Variants in SCYL1 observed in about 807,000 individuals in gnomAD.
The protein encoded by SCYL1 is N-terminal kinase-like protein.
SCYL1 carries 85 observed loss-of-function variants against 94.8 expected under a neutral mutation model. That is an observed-to-expected ratio of 0.90 (90% CI 0.75 to 1.07). The LOEUF is 1.07. Among genes scored for constraint, SCYL1 ranks in the 50% least tolerant of loss-of-function variants. The probability of loss-of-function intolerance (pLI) is 0.00; values close to 1 mark genes in which losing one functional copy is unlikely to be tolerated. For missense variants in SCYL1, 968 were observed against 1,083.3 expected, an observed-to-expected ratio of 0.89 and a Z score of 1.49; for synonymous variants, 459 against 435.5, an observed-to-expected ratio of 1.05 and a Z score of -0.67.
In SCYL1 at chr11:65,535,227, T is replaced by A. The variant is rs1445427151; in HGVS notation, c.1231T>A (p.Ser411Thr). 1 of 1,613,760 alleles carries A rather than the reference T, an allele frequency of 6.2e-7. No individual in the cohort carries two copies. Among genetic ancestry groups the A allele is most frequent in the Non-Finnish European group, 8.5e-7 (1 of 1,179,806 alleles). The change falls in exon 10 of 18, where the codon TCC becomes ACC. Residue 411 changes from serine (S) to threonine (T), a missense_variant and splice_region_variant. Physicochemically the swap from Ser to Thr is moderately conservative, Grantham distance 58. Transcript: ENST00000270176. ...GTTCCCACTCATTTCTGCCCCACAG[T>A]CCATGCTGCTCCTGGCCCCAAAGCT... ...NPAIREQTVK[S>T]MLLLAPKLNE...
rs570043048 is a variant in SCYL1, at chr11:65,535,283, G to A, written c.1287G>A (p.Met429Ile). Residue 429 changes from methionine to isoleucine, a missense_variant, in exon 10 of 18, where the codon ATG becomes ATA. Met to Ile is a conservative substitution (Grantham distance 10). Around this residue, in one of 2 missense-constraint regions of SCYL1, gnomAD observed 494 missense variants for 619.7 expected, o/e 0.80. Transcript: ENST00000270176. ...AGGCCAACCTCAATGTGGAGCTGAT[G>A]AAGCACTTTGCACGGCTACAGGCCA... The part of the protein sequence containing the change: ...LNEANLNVEL[M>I]KHFARLQAKD... The A allele has an allele frequency of 2.5e-6, 4 of 1,614,240 alleles. No homozygotes were observed. The highest frequency in any genetic ancestry group is 2.2e-5 in the East Asian group (1 of 44,888).
intron 12 of SCYL1, 95 bp downstream of exon 12, chr11:65,536,429 T>C: frequency 6.9e-7 from 1 of 1,449,818 alleles, no homozygotes; most frequent in Middle Eastern, 1.7e-4. Flanking sequence ...TGAAAGGTCC[T>C]AGTGAGCAGA....
chr11:65,528,805 G>A (rs1251578271), intron 6 of SCYL1, among the ~76,000 whole-genome samples: 2 of 152,192 alleles, frequency 1.3e-5, no homozygotes, highest in African/African-American at 4.8e-5. Context: ...GGAAAGTACT[G>A]GAGTGGGTAT....
At chr11:65,530,042 C>T (rs1042635672) in intron 6 of SCYL1, among the ~76,000 whole-genome samples, 1 of 152,142 alleles carries the variant, frequency 6.6e-6, no homozygotes, top group Non-Finnish European at 1.5e-5. Flanking sequence ...GTTAGGAGGA[C>T]TAAAGGAGAC....
At position 65,531,674 on chromosome 11, in the gene SCYL1, C is replaced by G. The variant is rs201554231; in HGVS notation, c.1107C>G (p.Leu369=). ...CTGACCGGGCCATGCGCATCCGCCTCCTGCAGCAGGTGAGGCCTCTGTACC... is the reference window on the plus strand; with the variant it reads ...CTGACCGGGCCATGCGCATCCGCCTGCTGCAGCAGGTGAGGCCTCTGTACC... ...SSTDRAMRIR[L]LQQMEQFIQY... is the part of the protein sequence containing the mutation. Residue 369 remains leucine (L), a synonymous_variant, in exon 8 of 18, where the codon CTC becomes CTG. Coordinates refer to ENST00000270176, the MANE Select transcript of SCYL1 (RefSeq NM_020680.4). 9.7e-5 allele frequency: 156 copies of G among 1,612,790 alleles called. No homozygotes were observed. Among genetic ancestry groups the G allele is most frequent in the Non-Finnish European group, 1.3e-4 (153 of 1,178,986 alleles).
chr11:65,533,594 C>T (rs1475724744), intron 9 of SCYL1, among the ~76,000 whole-genome samples: 1 of 150,646 alleles, frequency 6.6e-6, no homozygotes, highest in Non-Finnish European at 1.5e-5. Flanking sequence ...GCCTGGTCAT[C>T]ATGGCCAAAC....
intron 9 of SCYL1, among the ~76,000 whole-genome samples, chr11:65,533,757 G>A (rs1049619970): frequency 6.6e-6 from 1 of 152,072 alleles, no homozygotes; most frequent in African/African-American, 2.4e-5. Flanking sequence ...TCCAGCCTGG[G>A]CAACAGAGTG....
chr11:65,525,232 G>A lies in SCYL1; in HGVS notation c.79G>A (p.Gly27Arg), dbSNP rs566948339. 19 of 1,450,536 alleles carry A rather than the reference G, an allele frequency of 1.3e-5. No individual in the cohort carries two copies. The African/African-American group carries it at 2.7e-4, about 21-fold the overall frequency. The allele number at this position is 1,450,536 out of a possible 1,614,324, so 89.9% of individuals were successfully genotyped here. Residue 27 changes from glycine (G) to arginine (R), a missense_variant, in exon 1 of 18, where the codon GGG becomes AGG. This residue lies in a region of SCYL1 where 494 missense variants were observed against 619.7 expected (regional missense o/e 0.80). Coordinates refer to ENST00000270176, the MANE Select transcript of SCYL1 (RefSeq NM_020680.4). ...IPEPPEGGLP[G>R]PWALHRGRKK... ...GGAGCCCCCAGAGGGCGGCCTGCCC[G>A]GGCCCTGGGCCCTGCACCGCGGCCG...
chr11:65,526,173 T>C lies in SCYL1; in HGVS notation c.425T>C (p.Val142Ala), dbSNP rs759991138. 6.2e-7 allele frequency: 1 copy of C among 1,613,364 alleles called. No homozygotes were observed. Among genetic ancestry groups the C allele is most frequent in the East Asian group, 2.2e-5 (1 of 44,876 alleles). ...VNDCSLIHNN[V>A]CMAAVFVDRA... ...GACTGCAGCCTCATCCACAACAATGTCTGCATGGCCGCCGTGTTCGTGGAC... is the reference window on the plus strand; with the variant it reads ...GACTGCAGCCTCATCCACAACAATGCCTGCATGGCCGCCGTGTTCGTGGAC... The change falls in exon 4 of 18, where the codon GTC (valine) becomes GCC (alanine). Residue 142 changes from valine (V) to alanine (A), a missense_variant. By Grantham distance (64) the Val-to-Ala change is moderately conservative. Around this residue, in one of 2 missense-constraint regions of SCYL1, gnomAD observed 494 missense variants for 619.7 expected, o/e 0.80. Coordinates refer to ENST00000270176, the MANE Select transcript of SCYL1 (RefSeq NM_020680.4). This position sits in a 1 kb window ranked among gnomAD's most constrained non-coding sequence, Gnocchi z 4.1.
chr11:65,525,879 TCTGCCCCTCCGCC>T, intron 2 of SCYL1, 29 bp from the exon 3 acceptor site: 1 of 1,601,366 alleles, frequency 6.2e-7, no homozygotes, highest in African/African-American at 1.3e-5. Context: ...CTCCTTCCTC[TCTGCCCCTCCGCC>T]CTTGATAACC....
rs1461151693 is a variant in SCYL1 at position 65,527,209 on chromosome 11, AGACAAGCATG to A, written c.849+96_849+105del. The A allele has an allele frequency of 2.4e-5, 34 of 1,442,200 alleles. No individual in the cohort carries two copies. The Admixed American group carries it at 5.9e-4, about 25-fold the overall frequency. The allele number at this position is 1,442,200 out of a possible 1,614,324, so 89.3% of individuals were successfully genotyped here. A position where few individuals can be genotyped will look rare whatever the true frequency, so the allele number is the denominator to read the frequency against. The stretch of plus-strand genomic sequence containing the variant: ...GGGTACCTCACAATTGACCCTCAGG[AGACAAGCATG>A]GACTGTGGAGTTAGGCCAATCCGGG... On this transcript the variant is annotated intron_variant, in intron 6 of 17. Transcript: ENST00000270176.
intron 8 of SCYL1, among the ~76,000 whole-genome samples, chr11:65,532,254 G>A (rs758382044): frequency 2.6e-5 from 4 of 151,964 alleles, no homozygotes; most frequent in African/African-American, 4.8e-5. Context: ...GCGAAACCCC[G>A]TCTCTACTAA....
At chr11:65,529,545 A>G (rs561689699) in intron 6 of SCYL1, among the ~76,000 whole-genome samples, 15 of 152,346 alleles carry the variant, frequency 9.8e-5, no homozygotes, top group African/African-American at 3.1e-4. Context: ...TGATCAGAGC[A>G]CCAAGCCGGC....
At chr11:65,537,335 G>A (rs1179330036) in intron 14 of SCYL1, among the ~76,000 whole-genome samples, 1 of 152,198 alleles carries the variant, frequency 6.6e-6, no homozygotes, top group Non-Finnish European at 1.5e-5. Context: ...AGCAGGCTAG[G>A]CAGATGGTGC....
chr11:65,527,145 G>T lies in SCYL1; in HGVS notation c.849+28G>T, dbSNP rs150545013. ...GAGCCCCCAACCCACCCTGGGCTTC[G>T]ACCCTATCTTTTTCATTCTGCCCCT... On this transcript the variant is annotated intron_variant, in intron 6 of 17. Transcript: ENST00000270176. 4.1e-4 allele frequency: 665 copies of T among 1,604,098 alleles called. 6 individuals carry two copies. The East Asian group carries it at 0.015, about 36-fold the overall frequency.
chr11:65,538,344 G>T lies in SCYL1; in HGVS notation c.2302+20G>T. ...ACAGTCGTAAGTGCTTCCCCTGGGT[G>T]GGCTGAAGACTAGGGCTCCCCGACT... is the stretch of plus-strand genomic sequence containing the variant. On this transcript the variant is annotated intron_variant, in intron 17 of 17. Coordinates refer to ENST00000270176, the MANE Select transcript of SCYL1 (RefSeq NM_020680.4). The T allele has an allele frequency of 6.5e-7, 1 of 1,543,742 alleles. No homozygotes were observed.
In SCYL1 at chr11:65,535,361, C is replaced by T. The variant is rs981296573; in HGVS notation, c.1365C>T (p.Ile455=). ...ACACCACAGTCTGCCTGGGCAAAAT[C>T]GGCTCCTACCTCAGTGCTAGCGTGA... ...RCNTTVCLGK[I]GSYLSASTRH... Residue 455 remains isoleucine, a synonymous_variant, in exon 10 of 18, where the codon ATC becomes ATT. Transcript: ENST00000270176. 6.2e-7 allele frequency: 1 copy of T among 1,614,216 alleles called. No homozygotes were observed. The highest frequency in any genetic ancestry group is 1.1e-5 in the South Asian group (1 of 91,088).
chr11:65,538,076 C>T lies in SCYL1; in HGVS notation c.2141C>T (p.Pro714Leu), dbSNP rs981212419. ...TGGCAGGAGCCAAGCTCCCAGGAGC[C>T]ACCTCCTGACGGTACACGGCTGGCC... ...QGWQEPSSQE[P>L]PPDGTRLASE... Residue 714 changes from proline (P) to leucine (L), a missense_variant, in exon 16 of 18, where the codon CCA becomes CTA. Coordinates refer to ENST00000270176, the MANE Select transcript of SCYL1 (RefSeq NM_020680.4). 1.9e-6 allele frequency: 3 copies of T among 1,607,660 alleles called. No homozygotes were observed. The highest frequency in any genetic ancestry group is 1.7e-6 in the Non-Finnish European group (2 of 1,177,676).
chr11:65,527,222 C>T, intron 6 of SCYL1, 105 bp downstream of exon 6: 1 of 1,340,532 alleles, frequency 7.5e-7, no homozygotes, highest in South Asian at 1.3e-5. Flanking sequence ...CAAGCATGGA[C>T]TGTGGAGTTA....
Sources: allele counts gnomAD v4.1 joint callset (sites outside exome capture counted in the v4.1 genomes callset), GRCh38; gene constraint gnomAD v4.1.1; regional missense constraint gnomAD v4.1.1; non-coding constraint Gnocchi (gnomAD v3.1); transcripts MANE v1.5; gene names NCBI Gene and HGNC (gene_info 2026-07-23, HGNC 2026-07-21).